Variants in UBR3 observed in about 807,000 individuals in gnomAD.
UBR3 encodes the protein E3 ubiquitin-protein ligase UBR3.
Under a neutral mutation model 243.2 loss-of-function variants are expected in UBR3, and 85 were observed. The ratio of observed to expected loss-of-function variants is 0.35; its 90% CI spans 0.29 to 0.42. UBR3 has a LOEUF of 0.42. Among genes scored for constraint, UBR3 ranks in the 10% least tolerant of loss-of-function variants. The pLI is 1.00. For synonymous variants in UBR3, 748 were observed against 799.8 expected (o/e 0.94, Z 1.09); for missense variants, 1,686 against 2,300.8 (o/e 0.73, Z 5.47).
At chr2:169,880,427 A>G (rs1205051146) in intron 5 of UBR3, among the ~76,000 whole-genome samples, 1 of 152,172 alleles carries the variant, frequency 6.6e-6, no homozygotes. Flanking sequence ...ATATGTAAAA[A>G]GCTGATCTTC....
At chr2:169,888,874 C>T (rs1420840630) in intron 5 of UBR3, among the ~76,000 whole-genome samples, 2 of 151,964 alleles carry the variant, frequency 1.3e-5, no homozygotes, top group Non-Finnish European at 1.5e-5. Context: ...TACAGGTGTG[C>T]TATTATATAT....
At chr2:169,938,454 T>C (rs967471287) in intron 19 of UBR3, among the ~76,000 whole-genome samples, 11 of 151,616 alleles carry the variant, frequency 7.3e-5, no homozygotes, top group African/African-American at 2.7e-4. Flanking sequence ...AGAGATGGGG[T>C]CTCTACATGT....
intron 24 of UBR3, chr2:169,964,957 G>A (rs751939850): frequency 7.9e-5 from 36 of 456,774 alleles, no homozygotes; most frequent in Non-Finnish European, 1.3e-4. Flanking sequence ...GTATGCTGCA[G>A]TGGTGACAGG....
At chr2:170,060,232 T>G (rs1268869830) in intron 33 of UBR3, among the ~76,000 whole-genome samples, 1 of 152,160 alleles carries the variant, frequency 6.6e-6, no homozygotes, top group Non-Finnish European at 1.5e-5. Context: ...CATGTTACAC[T>G]TTATATTTCA....
chr2:169,982,548 C>T (rs2088787749), intron 24 of UBR3, among the ~76,000 whole-genome samples: 1 of 151,954 alleles, frequency 6.6e-6, no homozygotes, highest in Non-Finnish European at 1.5e-5. Context: ...GGAAGCTTTT[C>T]ACTCTGATGA....
At chr2:169,832,482 G>A (rs942689145) in intron 1 of UBR3, among the ~76,000 whole-genome samples, 6 of 151,880 alleles carry the variant, frequency 4.0e-5, no homozygotes, top group Non-Finnish European at 7.4e-5. Flanking sequence ...CCCGGGAGGC[G>A]GAGCTTGGAG....
rs2086936567 is a variant in UBR3, at chr2:169,949,806, C to T, written c.3286C>T (p.Leu1096Phe). 1 of 1,553,386 alleles carries T rather than the reference C, an allele frequency of 6.4e-7. No individual in the cohort carries two copies. The highest frequency in any genetic ancestry group is 1.4e-5 in the African/African-American group (1 of 73,156). The change falls in exon 23 of 39, where the codon CTT becomes TTT. Residue 1096 changes from leucine to phenylalanine, a missense_variant. Physicochemically the swap from Leu to Phe is conservative, Grantham distance 22. Coordinates refer to ENST00000272793, the MANE Select transcript of UBR3 (RefSeq NM_172070.4). ...KESILSLLIK[L>F]HHKLSGKQNS... ...AAGCATATTGTCTTTGCTAATTAAACTTCACCACAAACTCTCAGGAAAACA... is the reference window on the plus strand; with the variant it reads ...AAGCATATTGTCTTTGCTAATTAAATTTCACCACAAACTCTCAGGAAAACA...
At chr2:169,973,335 A>G (rs1224559268) in intron 24 of UBR3, among the ~76,000 whole-genome samples, 3 of 144,920 alleles carry the variant, frequency 2.1e-5, no homozygotes, top group African/African-American at 7.7e-5. Context: ...AAATGGCCAT[A>G]CTGCCCAAGG....
At chr2:169,946,198 G>A (rs943502854) in intron 20 of UBR3, 90 bp from the exon 21 acceptor site, 42 of 721,412 alleles carry the variant, frequency 5.8e-5, no homozygotes, top group East Asian at 4.7e-4. Context: ...AGTACTTTTC[G>A]TCTAGAACAG....
intron 1 of UBR3, among the ~76,000 whole-genome samples, chr2:169,851,767 GGCTGAGGTTGCAGTGA>G: frequency 6.6e-6 from 1 of 151,534 alleles, no homozygotes; most frequent in Non-Finnish European, 1.5e-5. Context: ...GAACCAGGGA[GGCTGAGGTTGCAGTGA>G]GCTGAGATTG....
chr2:170,019,073 G>T (rs1218744395), intron 30 of UBR3, among the ~76,000 whole-genome samples: 5 of 152,136 alleles, frequency 3.3e-5, no homozygotes, highest in South Asian at 2.1e-4. Flanking sequence ...CTGAGAATTT[G>T]TCTGCTTATT....
intron 30 of UBR3, among the ~76,000 whole-genome samples, chr2:170,020,534 G>A (rs1268381223): frequency 1.3e-5 from 2 of 152,136 alleles, no homozygotes. Context: ...TAGTGTACTA[G>A]GCTGGATGCT....
At chr2:169,947,931 A>G in intron 22 of UBR3, 1 of 985,246 alleles carries the variant, frequency 1.0e-6, no homozygotes, top group Non-Finnish European at 1.2e-6. Context: ...AAGTTCTTCA[A>G]AGAGAGGTAG....
At chr2:169,967,869 T>G (rs1256551136) in intron 24 of UBR3, among the ~76,000 whole-genome samples, 1 of 151,622 alleles carries the variant, frequency 6.6e-6, no homozygotes, top group Non-Finnish European at 1.5e-5. Flanking sequence ...ATATATCTTC[T>G]TATATAAATA....
At chr2:169,951,896 A>G (rs990530757) in intron 23 of UBR3, among the ~76,000 whole-genome samples, 1 of 152,150 alleles carries the variant, frequency 6.6e-6, no homozygotes, top group Non-Finnish European at 1.5e-5. Flanking sequence ...TGGTGCCCTG[A>G]TTTCTGACTT....
intron 1 of UBR3, among the ~76,000 whole-genome samples, chr2:169,836,445 A>G (rs1218132820): frequency 6.6e-6 from 1 of 151,828 alleles, no homozygotes. Flanking sequence ...ATGAGAACAC[A>G]TGGACACCAC....
At chr2:170,007,778 T>C (rs1454861828) in intron 28 of UBR3, among the ~76,000 whole-genome samples, 1 of 151,976 alleles carries the variant, frequency 6.6e-6, no homozygotes, top group Non-Finnish European at 1.5e-5. Flanking sequence ...GCAGGAGAAT[T>C]GCTTAAACCC....
Position 170,082,125 on chromosome 2 carries a change from C to T in UBR3, c.*282C>T, listed in dbSNP as rs1190189851. 4 of 249,850 alleles carry T rather than the reference C, an allele frequency of 1.6e-5. No individual in the cohort carries two copies. Among genetic ancestry groups the T allele is most frequent in the Non-Finnish European group, 3.0e-5 (4 of 132,744 alleles). The allele number at this position is 249,850 out of a possible 1,614,324, so 15.5% of individuals were successfully genotyped here. On this transcript the variant is annotated 3_prime_UTR_variant, in exon 39 of 39. Coordinates refer to ENST00000272793, the MANE Select transcript of UBR3 (RefSeq NM_172070.4). Reference sequence around the variant, plus strand: ...AGCACAACTTGTTCACAAACTCATTCAGAAATGATTCTCCCAACAATGCGT... The same window carrying T: ...AGCACAACTTGTTCACAAACTCATTTAGAAATGATTCTCCCAACAATGCGT...
chr2:169,860,680 C>T lies in UBR3; in HGVS notation c.546-11556C>T, dbSNP rs148716030. ...GATTGGTATTTCCGTTTCTCATTTT[C>T]TCTTGGATTGTCTTAGGAAAAATAG... is the stretch of plus-strand genomic sequence containing the variant. On this transcript the variant is annotated intron_variant, in intron 1 of 38. Transcript: ENST00000272793. Among the ~76,000 whole-genome samples the T allele has an allele frequency of 2.9e-3, 437 of 152,096 alleles. 1 individual carries two copies. Among genetic ancestry groups the T allele is most frequent in the African/African-American group, 0.01 (415 of 41,486 alleles).
Sources: gnomAD v4.1 joint callset for allele counts (sites outside exome capture counted in the v4.1 genomes callset) on GRCh38, gnomAD v4.1.1 for gene constraint, MANE v1.5 for transcripts, NCBI Gene and HGNC (gene_info 2026-07-23, HGNC 2026-07-21) for gene names.